The following SETD7 variants were observed in gnomAD, a reference collection of about 807,000 sequenced individuals.
The protein encoded by SETD7 is histone-lysine N-methyltransferase SETD7.
SETD7 carries 16 observed loss-of-function variants against 41.8 expected under a neutral mutation model. The observed-to-expected ratio is 0.38, with a 90% CI of 0.26 to 0.58. The LOEUF (loss-of-function observed/expected upper bound fraction) is 0.58, where lower values mean the gene tolerates loss of function less well. SETD7 is among the 20% of genes least tolerant of loss of function. The probability of loss-of-function intolerance (pLI) is 0.64; values close to 1 mark genes in which losing one functional copy is unlikely to be tolerated. For missense variants in SETD7, 346 were observed against 459.7 expected, an observed-to-expected ratio of 0.75 and a Z score of 2.26; for synonymous variants, 163 against 169.7, an observed-to-expected ratio of 0.96 and a Z score of 0.31.
chr4:139,523,087 A>G (rs1727227583), intron 5 of SETD7, among the ~76,000 whole-genome samples: 1 of 152,146 alleles, frequency 6.6e-6, no homozygotes, highest in Non-Finnish European at 1.5e-5. Flanking sequence ...GTTTTACTCT[A>G]GGACAGACAC....
At chr4:139,528,889 G>C (rs1727403544) in intron 4 of SETD7, 142 bp downstream of exon 4, 1 of 686,578 alleles carries the variant, frequency 1.5e-6, no homozygotes, top group Admixed American at 3.0e-5. Context: ...GAGGTGCAGT[G>C]TCTGTTATGC....
intron 4 of SETD7, 118 bp from the exon 5 acceptor site, chr4:139,523,553 TACCA>T: frequency 1.6e-6 from 1 of 624,362 alleles, no homozygotes; most frequent in East Asian, 2.7e-5. Flanking sequence ...AATCAAGTTA[TACCA>T]ACTAGAATGA....
At chr4:139,519,882 A>G (rs775330463) in intron 6 of SETD7, among the ~76,000 whole-genome samples, 4 of 152,234 alleles carry the variant, frequency 2.6e-5, no homozygotes, top group Non-Finnish European at 5.9e-5. Flanking sequence ...TTTTTTGACA[A>G]AAGAACTCTT....
chr4:139,521,716 CT>C (rs1727185276), intron 5 of SETD7, among the ~76,000 whole-genome samples: 1 of 152,208 alleles, frequency 6.6e-6, no homozygotes, highest in South Asian at 2.1e-4. Context: ...ATCTGCTTTG[CT>C]GGTAGAACAT....
chr4:139,505,255 TACTATGTTG>T (rs1266958207), downstream of SETD7, among the ~76,000 whole-genome samples: 1 of 152,142 alleles, frequency 6.6e-6, no homozygotes, highest in Admixed American at 6.5e-5. Flanking sequence ...AATAATGAGG[TACTATGTTG>T]ACTCCTTTTG....
chr4:139,530,637 T>C (rs1280401000), intron 3 of SETD7, among the ~76,000 whole-genome samples: 4 of 152,172 alleles, frequency 2.6e-5, no homozygotes, highest in Non-Finnish European at 4.4e-5. Flanking sequence ...ATGACTAACA[T>C]AAGATAATAT....
intron 2 of SETD7, among the ~76,000 whole-genome samples, chr4:139,546,074 T>A (rs775810748): frequency 2.2e-4 from 34 of 152,164 alleles, no homozygotes; most frequent in Non-Finnish European, 4.6e-4. Flanking sequence ...TTCCTATCTA[T>A]CACAAGCGAG....
chr4:139,549,264 C>A (rs1728044358), intron 1 of SETD7, among the ~76,000 whole-genome samples: 1 of 152,032 alleles, frequency 6.6e-6, no homozygotes, highest in African/African-American at 2.4e-5. Context: ...TGTGTTATTC[C>A]ACTTTAGATT....
chr4:139,505,250 T>C (rs183377411), downstream of SETD7, among the ~76,000 whole-genome samples: 19 of 152,280 alleles, frequency 1.2e-4, no homozygotes, highest in Admixed American at 7.2e-4. Flanking sequence ...CAGCTAATAA[T>C]GAGGTACTAT....
intron 7 of SETD7, among the ~76,000 whole-genome samples, chr4:139,516,463 CTCA>C (rs1198316909): frequency 1.9e-4 from 4 of 21,360 alleles, no homozygotes; most frequent in Admixed American, 1.6e-3. Context: ...GAGACTCTGT[CTCA>C]AAAAAAAAAA....
chr4:139,523,559 C>T, intron 4 of SETD7, 124 bp from the exon 5 acceptor site: 1 of 597,086 alleles, frequency 1.7e-6, no homozygotes, highest in Non-Finnish European at 3.0e-6. Flanking sequence ...GTTATACCAA[C>T]TAGAATGAAG....
intron 3 of SETD7, among the ~76,000 whole-genome samples, chr4:139,530,528 C>A (rs1727455107): frequency 6.6e-6 from 1 of 152,118 alleles, no homozygotes; most frequent in Non-Finnish European, 1.5e-5. Context: ...AATAATTGAG[C>A]ATAAATGGAG....
rs1452168146 is a variant in SETD7 at position 139,511,727 on chromosome 4, C to G, written c.1037G>C (p.Gly346Ala). 1.9e-6 allele frequency: 3 copies of G among 1,614,120 alleles called. No homozygotes were observed. In the African/African-American group the frequency reaches 4.0e-5, roughly 22 times the overall value. The change falls in exon 8 of 8, where the codon GGG (glycine) becomes GCG (alanine). Residue 346 changes from glycine to alanine, a missense_variant. This residue lies in a region of SETD7 where 75 missense variants were observed against 65.5 expected (regional missense o/e 1.14). Coordinates refer to ENST00000274031, the MANE Select transcript of SETD7 (RefSeq NM_030648.4). ...GYDHSPPGKS[G>A]PEAPEWYQVE... ...CTGGTACCACTCAGGGGCTTCAGGC[C>G]CACTCTTCCCGGGGGGGCTGTGGTC... is the stretch of plus-strand genomic sequence containing the variant.
chr4:139,540,524 T>G (rs1727751590), intron 2 of SETD7, among the ~76,000 whole-genome samples: 1 of 152,246 alleles, frequency 6.6e-6, no homozygotes, highest in African/African-American at 2.4e-5. Flanking sequence ...TCAGCTCCAA[T>G]CATTTTTAAC....
At chr4:139,512,574 T>C (rs979436320) in intron 7 of SETD7, among the ~76,000 whole-genome samples, 1 of 152,122 alleles carries the variant, frequency 6.6e-6, no homozygotes, top group African/African-American at 2.4e-5. Context: ...CTCCCAATCC[T>C]GTTCATCTGC....
At chr4:139,498,021 G>C (rs1326585941) in intron 7 of SETD7, among the ~76,000 whole-genome samples, 3 of 152,166 alleles carry the variant, frequency 2.0e-5, no homozygotes, top group South Asian at 2.1e-4. Flanking sequence ...GGAAAGTGCA[G>C]GAGATTTACG....
At chr4:139,495,047 A>G (rs1384276605), downstream of SETD7, among the ~76,000 whole-genome samples, 1 of 152,138 alleles carries the variant, frequency 6.6e-6, no homozygotes, top group African/African-American at 2.4e-5. Context: ...AAATGGACAT[A>G]TTTTTCCAGA....
intron 4 of SETD7, among the ~76,000 whole-genome samples, chr4:139,524,317 A>G (rs1036715335): frequency 2.0e-5 from 3 of 152,264 alleles, no homozygotes; most frequent in African/African-American, 7.2e-5. Context: ...GTCCGCACAG[A>G]AACGGACCAT....
At chr4:139,541,290 C>A (rs527776728) in intron 2 of SETD7, among the ~76,000 whole-genome samples, 2 of 152,182 alleles carry the variant, frequency 1.3e-5, no homozygotes, top group East Asian at 3.9e-4. Context: ...AAAAGTCTTG[C>A]CTTTAGGTTC....
Sources: allele counts gnomAD v4.1 joint callset (sites outside exome capture counted in the v4.1 genomes callset), GRCh38; gene constraint gnomAD v4.1.1; regional missense constraint gnomAD v4.1.1; transcripts MANE v1.5; gene names NCBI Gene and HGNC (gene_info 2026-07-23, HGNC 2026-07-21).